Variants in SYN3 observed in about 807,000 individuals in gnomAD.
SYN3 encodes the protein synapsin-3.
Under a neutral mutation model 65.8 loss-of-function variants are expected in SYN3, and 35 were observed. The observed-to-expected ratio is 0.53, with a 90% CI of 0.41 to 0.70. The LOEUF is 0.70. Ranked by LOEUF, SYN3 falls within the 30% of genes least tolerant of loss-of-function variation. The pLI, the probability that SYN3 is intolerant of heterozygous loss-of-function variation, is 0.00. For synonymous variants in SYN3, 270 were observed against 292.9 expected, an observed-to-expected ratio of 0.92 and a Z score of 0.80; for missense variants, 680 against 749.0, an observed-to-expected ratio of 0.91 and a Z score of 1.08.
intron 6 of SYN3, among the ~76,000 whole-genome samples, chr22:32,839,447 C>T (rs1272700059): frequency 6.6e-6 from 1 of 152,064 alleles, no homozygotes; most frequent in Non-Finnish European, 1.5e-5. Context: ...TTGAGGTAGT[C>T]GCCTCATTGG....
chr22:32,761,567 G>C (rs1221344898), intron 6 of SYN3, among the ~76,000 whole-genome samples: 1 of 152,156 alleles, frequency 6.6e-6, no homozygotes, highest in Non-Finnish European at 1.5e-5. Context: ...GCCCAGTTTT[G>C]AGCACCTCTT....
chr22:33,043,477 G>A (rs1215104043), intron 1 of SYN3, among the ~76,000 whole-genome samples: 2 of 152,184 alleles, frequency 1.3e-5, no homozygotes, highest in African/African-American at 2.4e-5. Flanking sequence ...GAACCCGGGA[G>A]ATGGAGGTTG....
intron 1 of SYN3, among the ~76,000 whole-genome samples, chr22:33,020,330 C>T (rs1039932144): frequency 6.6e-6 from 1 of 152,150 alleles, no homozygotes; most frequent in Non-Finnish European, 1.5e-5. Flanking sequence ...CTCAATACCT[C>T]ACCCCTAAGA....
In SYN3 at chr22:32,649,684, A is replaced by G. The variant is rs139611653; in HGVS notation, c.712-52948T>C. On this transcript the variant is annotated intron_variant, in intron 6 of 13. Transcript: ENST00000358763. ...CTAGAGTCATCTTTGAGACCACAAG[A>G]GCCAACATCATAAATCTAGAATTGT... Among the ~76,000 whole-genome samples the G allele has an allele frequency of 3.7e-4, 56 of 152,228 alleles. 1 individual carries two copies. In the East Asian group the frequency reaches 0.011, roughly 29 times the overall value.
rs1011451235 is a variant in SYN3 at position 32,659,758 on chromosome 22, G to A, written c.712-63022C>T. Among the ~76,000 whole-genome samples, 5 of 152,096 alleles carry A rather than the reference G, an allele frequency of 3.3e-5. No homozygotes were observed. In the East Asian group the frequency reaches 5.8e-4, roughly 18 times the overall value. On this transcript the variant is annotated intron_variant, in intron 6 of 13. Transcript: ENST00000358763. ...TGTCTTGTTTCTCATATATACATGG[G>A]CAGGCAACCTGGATTCTGCCAGGCA...
At chr22:32,643,711 G>A (rs1293432444) in intron 6 of SYN3, among the ~76,000 whole-genome samples, 1 of 152,018 alleles carries the variant, frequency 6.6e-6, no homozygotes, top group African/African-American at 2.4e-5. Flanking sequence ...TTGACCTTGA[G>A]TTTAGCCTTC....
intron 7 of SYN3, among the ~76,000 whole-genome samples, chr22:32,580,269 T>A (rs1043205570): frequency 2.6e-5 from 4 of 152,208 alleles, no homozygotes; most frequent in African/African-American, 9.6e-5. Flanking sequence ...GTTTTCAAAA[T>A]TTTAAACAGC....
In SYN3 at chr22:33,017,497, G is replaced by A. The variant is rs973125926; in HGVS notation, c.-162-10673C>T. On this transcript the variant is annotated intron_variant, in intron 1 of 13. Coordinates refer to ENST00000358763, the MANE Select transcript of SYN3 (RefSeq NM_003490.4). ...TACGGACATATCATTCTTCCAATCC[G>A]TGAACACGGGATACCTTTCCATTTA... Among the ~76,000 whole-genome samples the A allele has an allele frequency of 4.6e-5, 7 of 152,210 alleles. 1 individual carries two copies. Among genetic ancestry groups the A allele is most frequent in the East Asian group, 3.9e-4 (2 of 5,186 alleles).
intron 6 of SYN3, among the ~76,000 whole-genome samples, chr22:32,701,888 G>C (rs2060815059): frequency 6.6e-6 from 1 of 152,068 alleles, no homozygotes; most frequent in African/African-American, 2.4e-5. Context: ...CCAAACAATG[G>C]AAATTTTAAA....
chr22:32,597,035 T>C (rs2059210287), intron 6 of SYN3, among the ~76,000 whole-genome samples: 1 of 152,112 alleles, frequency 6.6e-6, no homozygotes, highest in Non-Finnish European at 1.5e-5. Flanking sequence ...GCTGTGCAAC[T>C]TCAGGCAAGT....
intron 6 of SYN3, among the ~76,000 whole-genome samples, chr22:32,661,139 T>C (rs2060210593): frequency 6.6e-6 from 1 of 152,252 alleles, no homozygotes; most frequent in African/African-American, 2.4e-5. Flanking sequence ...TACATCATTT[T>C]CTTCTCTAAC....
At chr22:32,580,994 C>T (rs9606985) in intron 7 of SYN3, among the ~76,000 whole-genome samples, 2,312 of 152,332 alleles carry the variant, frequency 0.015, 32 homozygotes, top group Non-Finnish European at 0.022. Flanking sequence ...TGTGCACAGT[C>T]AGGCGCTAGA....
At chr22:32,844,712 CTTT>C (rs1376474600) in intron 6 of SYN3, among the ~76,000 whole-genome samples, 1 of 143,814 alleles carries the variant, frequency 7.0e-6, no homozygotes, top group African/African-American at 2.5e-5. Context: ...CTTCTTCTTC[CTTT>C]TTTTTTTTTG....
intron 6 of SYN3, among the ~76,000 whole-genome samples, chr22:32,625,012 C>G (rs3827336): frequency 0.094 from 14,246 of 152,264 alleles, 856 homozygotes; most frequent in South Asian, 0.22. Context: ...TGAAGACATT[C>G]TAAACCTTCT....
rs2050511492 is a variant in SYN3 at position 32,927,644 on chromosome 22, C to A, written c.461+3746G>T. Among the ~76,000 whole-genome samples the A allele has an allele frequency of 2.0e-5, 3 of 152,234 alleles. No individual in the cohort carries two copies. In the South Asian group the frequency reaches 6.2e-4, roughly 32 times the overall value. ...CTAACTTAATGTTGTATATTTTAATCCTTCATATATTTTTAAATCCATAAA... is the reference window on the plus strand; with the variant it reads ...CTAACTTAATGTTGTATATTTTAATACTTCATATATTTTTAAATCCATAAA... On this transcript the variant is annotated intron_variant, in intron 4 of 13. Coordinates refer to ENST00000358763, the MANE Select transcript of SYN3 (RefSeq NM_003490.4).
intron 6 of SYN3, among the ~76,000 whole-genome samples, chr22:32,786,672 T>C (rs2046202342): frequency 6.6e-6 from 1 of 152,230 alleles, no homozygotes; most frequent in African/African-American, 2.4e-5. Flanking sequence ...CTGCAACTTA[T>C]TCTTAAACAA....
intron 3 of SYN3, among the ~76,000 whole-genome samples, chr22:32,956,668 C>T (rs573713043): frequency 1.9e-4 from 29 of 152,288 alleles, no homozygotes; most frequent in African/African-American, 6.0e-4. Flanking sequence ...ATTTTGTTCA[C>T]CCATTCATCT....
chr22:32,893,693 C>T (rs763623079), intron 4 of SYN3, among the ~76,000 whole-genome samples: 1 of 152,122 alleles, frequency 6.6e-6, no homozygotes, highest in Non-Finnish European at 1.5e-5. Flanking sequence ...GCTGTATATG[C>T]TATTCCTTTG....
At chr22:32,852,568 T>A in intron 6 of SYN3, among the ~76,000 whole-genome samples, 1 of 152,144 alleles carries the variant, frequency 6.6e-6, no homozygotes, top group South Asian at 2.1e-4. Flanking sequence ...GAGCAAGGGC[T>A]TCCTTAGAGC....
Sources: gnomAD v4.1 joint callset for allele counts (sites outside exome capture counted in the v4.1 genomes callset) on GRCh38, gnomAD v4.1.1 for gene constraint, MANE v1.5 for transcripts, NCBI Gene and HGNC (gene_info 2026-07-23, HGNC 2026-07-21) for gene names.